EDN1: variants seen among roughly 807,000 people sequenced by gnomAD.
The protein encoded by EDN1 is endothelin-1.
Under a neutral mutation model 21.7 loss-of-function variants are expected in EDN1, and 11 were observed. The observed-to-expected ratio is 0.51, with a 90% CI of 0.32 to 0.84. The LOEUF (loss-of-function observed/expected upper bound fraction) is 0.84. Among genes scored for constraint, EDN1 ranks in the 40% least tolerant of loss-of-function variants. The pLI, the probability that EDN1 is intolerant of heterozygous loss-of-function variation, is 0.03. For synonymous variants in EDN1, 85 were observed against 90.6 expected (o/e 0.94, Z 0.35); for missense variants, 244 against 262.3 (o/e 0.93, Z 0.48).
rs2747708 is a variant in EDN1 at position 12,291,223 on chromosome 6, C to A, written c.64+530C>A. 4.3e-4 allele frequency among the ~76,000 whole-genome samples: 62 copies of A among 143,734 alleles called. 3 individuals are homozygous for A. The South Asian group carries it at 0.012, about 28-fold the overall frequency. 94.3% of individuals were successfully genotyped at this position (143,734 alleles called of 152,430 possible). On this transcript the variant is annotated intron_variant, in intron 1 of 4. Transcript: ENST00000379375. ...CTGTTGACTAACTACCGCCTCCCCC[C>A]CCCCCCGCCACCACCCCCCGCAGGC...
chr6:12,249,450 A>G, the EDN1 span, among the ~76,000 whole-genome samples: 1 of 151,676 alleles, frequency 6.6e-6, no homozygotes, highest in Middle Eastern at 3.4e-3. Context: ...TGAAAAGTAG[A>G]TCTTCAGAGA....
chr6:12,289,443 C>G (rs1195826461), upstream of EDN1, among the ~76,000 whole-genome samples: 3 of 152,092 alleles, frequency 2.0e-5, no homozygotes, highest in Non-Finnish European at 4.4e-5. Context: ...AGCCAGGTTG[C>G]GTTTTTTTCT....
At position 12,290,406 on chromosome 6, in the gene EDN1, C is replaced by T. The variant is rs1762640825; in HGVS notation, c.-224C>T. The stretch of plus-strand genomic sequence containing the variant: ...GCCAGGCGAACGGGTCCTGCGCCTC[C>T]TGCAGTCCCAGCTCTCCACCGCCGC... On this transcript the variant is annotated 5_prime_UTR_variant, in exon 1 of 5. Coordinates refer to ENST00000379375, the MANE Select transcript of EDN1 (RefSeq NM_001955.5). The T allele has an allele frequency of 1.7e-6, 1 of 580,528 alleles. No individual in the cohort carries two copies. Among genetic ancestry groups the T allele is most frequent in the Non-Finnish European group, 3.1e-6 (1 of 326,748 alleles). The allele number at this position is 580,528 out of a possible 1,614,324, so 36.0% of individuals were successfully genotyped here. A position where few individuals can be genotyped will look rare whatever the true frequency, so the allele number is the denominator to read the frequency against.
the EDN1 span, among the ~76,000 whole-genome samples, chr6:12,280,037 G>A: frequency 6.6e-6 from 1 of 151,940 alleles, no homozygotes; most frequent in African/African-American, 2.4e-5. Flanking sequence ...TATTAGAGTT[G>A]CTTTTTAAAA....
the EDN1 span, among the ~76,000 whole-genome samples, chr6:12,236,770 T>C: frequency 2.7e-5 from 4 of 148,948 alleles, no homozygotes; most frequent in African/African-American, 5.0e-5. Flanking sequence ...CAATATTTCT[T>C]TTTTTTTTTT....
chr6:12,250,325 T>C, the EDN1 span, among the ~76,000 whole-genome samples: 1 of 152,182 alleles, frequency 6.6e-6, no homozygotes, highest in Non-Finnish European at 1.5e-5. Context: ...GACCATGGAA[T>C]TGATACTCTG....
chr6:12,295,863 C>G, intron 4 of EDN1, 99 bp from the exon 5 acceptor site: 1 of 1,204,608 alleles, frequency 8.3e-7, no homozygotes, highest in Non-Finnish European at 1.2e-6. Context: ...CAACCAGATT[C>G]AGGTTTTGTT....
chr6:12,260,630 G>A, the EDN1 span, among the ~76,000 whole-genome samples: 1 of 152,040 alleles, frequency 6.6e-6, no homozygotes, highest in South Asian at 2.1e-4. Flanking sequence ...CATAAATATT[G>A]TTCCCTGCGA....
chr6:12,248,397 C>A, the EDN1 span, among the ~76,000 whole-genome samples: 1 of 151,344 alleles, frequency 6.6e-6, no homozygotes, highest in East Asian at 1.9e-4. Flanking sequence ...TTATGGCAGG[C>A]CAAGCTGACT....
the EDN1 span, among the ~76,000 whole-genome samples, chr6:12,241,466 A>G: frequency 2.0e-5 from 3 of 151,830 alleles, no homozygotes; most frequent in African/African-American, 7.3e-5. Flanking sequence ...ATAAGCAGGC[A>G]TCTTTGGAGA....
At chr6:12,286,450 A>G (rs1762559643), upstream of EDN1, among the ~76,000 whole-genome samples, 1 of 152,236 alleles carries the variant, frequency 6.6e-6, no homozygotes, top group Non-Finnish European at 1.5e-5. Flanking sequence ...TAGAGTAGAA[A>G]TGTATAATAG....
At chr6:12,254,728 A>G in the EDN1 span, among the ~76,000 whole-genome samples, 1 of 152,206 alleles carries the variant, frequency 6.6e-6, no homozygotes, top group African/African-American at 2.4e-5. Flanking sequence ...ACATGCACAT[A>G]ATAAAGTGCA....
chr6:12,265,612 G>A, the EDN1 span, among the ~76,000 whole-genome samples: 1 of 152,296 alleles, frequency 6.6e-6, no homozygotes, highest in African/African-American at 2.4e-5. Context: ...GGGCTTCTAT[G>A]CTCTAGAATT....
the EDN1 span, among the ~76,000 whole-genome samples, chr6:12,237,914 A>G: frequency 6.6e-6 from 1 of 152,216 alleles, no homozygotes; most frequent in Non-Finnish European, 1.5e-5. Context: ...TCACGCCTGT[A>G]ATCCCACCAC....
At chr6:12,239,865 C>T in the EDN1 span, among the ~76,000 whole-genome samples, 1 of 151,964 alleles carries the variant, frequency 6.6e-6, no homozygotes. Context: ...TCTGAGATTG[C>T]AACATGGCAC....
At chr6:12,237,072 G>A in the EDN1 span, among the ~76,000 whole-genome samples, 6 of 149,452 alleles carry the variant, frequency 4.0e-5, no homozygotes, top group Admixed American at 4.1e-4. Context: ...GAGAACATGC[G>A]GTGGTGTTTG....
the EDN1 span, among the ~76,000 whole-genome samples, chr6:12,268,552 C>T: frequency 2.6e-5 from 4 of 152,116 alleles, no homozygotes; most frequent in Non-Finnish European, 4.4e-5. Flanking sequence ...GTTTTCCTGG[C>T]ACCATTTGTT....
rs142576582 is a variant in EDN1, at chr6:12,296,359, GGAGA to G, written c.*302_*305del. The G allele has an allele frequency of 2.5e-5, 9 of 365,100 alleles. No individual in the cohort carries two copies. Among genetic ancestry groups the G allele is most frequent in the Non-Finnish European group, 3.7e-5 (7 of 189,444 alleles). 22.6% of individuals were successfully genotyped at this position (365,100 alleles called of 1,614,324 possible). The stretch of plus-strand genomic sequence containing the variant: ...CATTCGAATTCGGGTGGCATCCTCC[GGAGA>G]GAGAGAGAGGAAGGAGATTCCACAC... On this transcript the variant is annotated 3_prime_UTR_variant, in exon 5 of 5. Coordinates refer to ENST00000379375, the MANE Select transcript of EDN1 (RefSeq NM_001955.5).
At chr6:12,293,218 T>C (rs889534287) in intron 2 of EDN1, among the ~76,000 whole-genome samples, 7 of 152,220 alleles carry the variant, frequency 4.6e-5, no homozygotes, top group Non-Finnish European at 1.0e-4. Flanking sequence ...TGTACCGTTA[T>C]GACAAAGGAG....
Sources: allele counts gnomAD v4.1 joint callset (sites outside exome capture counted in the v4.1 genomes callset), GRCh38; gene constraint gnomAD v4.1.1; transcripts MANE v1.5; gene names NCBI Gene and HGNC (gene_info 2026-07-23, HGNC 2026-07-21).